PGM2L1: variants seen among roughly 807,000 people sequenced by gnomAD.
PGM2L1 encodes phosphoglucomutase 2 like 1, also known as glucose 1,6-bisphosphate synthase.
A neutral mutation model predicts 73.4 loss-of-function variants in PGM2L1; 35 were observed. The ratio of observed to expected loss-of-function variants is 0.48; its 90% CI spans 0.36 to 0.63. PGM2L1 has a LOEUF of 0.63. PGM2L1 is among the 30% of genes least tolerant of loss of function. The probability of loss-of-function intolerance (pLI) is 0.00; values close to 1 mark genes in which losing one functional copy is unlikely to be tolerated. For synonymous variants in PGM2L1, 225 were observed against 253.8 expected (o/e 0.89, Z 1.08); for missense variants, 570 against 742.0 (o/e 0.77, Z 2.69).
intron 5 of PGM2L1, among the ~76,000 whole-genome samples, chr11:74,364,254 T>C (rs868700812): frequency 6.6e-6 from 1 of 152,156 alleles, no homozygotes; most frequent in Non-Finnish European, 1.5e-5. Flanking sequence ...CCACAGCCAA[T>C]ATCATACTGA....
chr11:74,345,111 C>G (rs1396401179), intron 9 of PGM2L1, among the ~76,000 whole-genome samples: 1 of 152,092 alleles, frequency 6.6e-6, no homozygotes, highest in African/African-American at 2.4e-5. Flanking sequence ...CTTGAAGAGC[C>G]TGAACAAGGG....
chr11:74,379,221 G>A (rs1862902840), intron 1 of PGM2L1, among the ~76,000 whole-genome samples: 1 of 152,130 alleles, frequency 6.6e-6, no homozygotes, highest in Non-Finnish European at 1.5e-5. Flanking sequence ...CTATCACATG[G>A]TGAAGGAGGG....
chr11:74,386,574 C>A (rs955523066), intron 1 of PGM2L1, among the ~76,000 whole-genome samples: 1 of 151,938 alleles, frequency 6.6e-6, no homozygotes, highest in Non-Finnish European at 1.5e-5. Flanking sequence ...CTCCCAGGCT[C>A]AAGCAATCTT....
intron 5 of PGM2L1, among the ~76,000 whole-genome samples, chr11:74,365,237 T>C (rs1862636622): frequency 6.6e-6 from 1 of 152,136 alleles, no homozygotes; most frequent in Non-Finnish European, 1.5e-5. Flanking sequence ...AAGACTTAAA[T>C]GTTAGACCTA....
intron 3 of PGM2L1, 91 bp from the exon 4 acceptor site, chr11:74,371,077 T>G (rs1460425056): frequency 6.5e-6 from 6 of 922,550 alleles, no homozygotes; most frequent in Non-Finnish European, 1.0e-5. Flanking sequence ...ATAATTAGTC[T>G]GAATAAATAG....
chr11:74,349,678 T>C (rs955216438), intron 6 of PGM2L1, among the ~76,000 whole-genome samples: 12 of 152,150 alleles, frequency 7.9e-5, no homozygotes, highest in African/African-American at 2.9e-4. Flanking sequence ...AGTATTTTGG[T>C]ATTTTAGGTA....
chr11:74,360,540 G>A (rs1862544297), intron 5 of PGM2L1, among the ~76,000 whole-genome samples: 1 of 152,020 alleles, frequency 6.6e-6, no homozygotes, highest in Non-Finnish European at 1.5e-5. Context: ...CATCTCACTG[G>A]GGCTCGTTGG....
chr11:74,362,932 T>G (rs889260632), intron 5 of PGM2L1, among the ~76,000 whole-genome samples: 2 of 152,182 alleles, frequency 1.3e-5, no homozygotes, highest in South Asian at 4.1e-4. Flanking sequence ...CAACAGAATA[T>G]ACATTCTTCT....
intron 2 of PGM2L1, among the ~76,000 whole-genome samples, chr11:74,373,300 G>A (rs1372763163): frequency 6.6e-6 from 1 of 152,210 alleles, no homozygotes; most frequent in Non-Finnish European, 1.5e-5. Flanking sequence ...AGGAATAGGG[G>A]GAGGTGTGGG....
intron 1 of PGM2L1, among the ~76,000 whole-genome samples, chr11:74,396,434 A>G (rs1273973820): frequency 1.3e-5 from 2 of 151,104 alleles, no homozygotes; most frequent in African/African-American, 4.9e-5. Context: ...TCTTTTTTTG[A>G]GACGGAGTCT....
intron 5 of PGM2L1, among the ~76,000 whole-genome samples, chr11:74,359,921 A>G (rs1862528292): frequency 6.6e-6 from 1 of 152,182 alleles, no homozygotes; most frequent in African/African-American, 2.4e-5. Flanking sequence ...TGTGCCAAAT[A>G]TGTTCAACAG....
intron 1 of PGM2L1, among the ~76,000 whole-genome samples, chr11:74,382,038 G>A (rs1862955176): frequency 6.6e-6 from 1 of 151,492 alleles, no homozygotes; most frequent in Non-Finnish European, 1.5e-5. Flanking sequence ...TAGTAACCAA[G>A]GAAATGAAAA....
intron 5 of PGM2L1, among the ~76,000 whole-genome samples, chr11:74,362,171 G>A (rs189236766): frequency 2.4e-4 from 36 of 152,252 alleles, no homozygotes; most frequent in African/African-American, 8.7e-4. Flanking sequence ...ACTCACAAAG[G>A]GAAACCCATC....
At position 74,334,907 on chromosome 11, in the gene PGM2L1, C is replaced by CTTTTTT. The variant is rs34926765; in HGVS notation, c.*1739_*1744dup. ...AGCATTTCTTTTTCTCTCTCTCTCTCTTTTTTTTTTTTTTTTTGAGATAAG... is the reference window on the plus strand; with the variant it reads ...AGCATTTCTTTTTCTCTCTCTCTCTCTTTTTTTTTTTTTTTTTTTTTTTGAGATAAG... On this transcript the variant is annotated 3_prime_UTR_variant, in exon 14 of 14. Coordinates refer to ENST00000298198, the MANE Select transcript of PGM2L1 (RefSeq NM_173582.6). 7.3e-6 allele frequency: 1 copy of CTTTTTT among 136,236 alleles called. No homozygotes were observed. The allele number at this position is 136,236 out of a possible 1,614,324, so 8.4% of individuals were successfully genotyped here. A position where few individuals can be genotyped will look rare whatever the true frequency, so the allele number is the denominator to read the frequency against.
rs1213900815 is a variant in PGM2L1, at chr11:74,374,587, A to C, written c.112-5T>G. On this transcript the variant is annotated splice_polypyrimidine_tract_variant and splice_region_variant and intron_variant, in intron 1 of 13. Transcript: ENST00000298198. ...CTGCTCTTTTGTTTTGGGATTCTAT[A>C]AAAAAGAAGTATTAAAACTTAACCA... The C allele has an allele frequency of 1.2e-6, 2 of 1,612,128 alleles. No homozygotes were observed. Among genetic ancestry groups the C allele is most frequent in the South Asian group, 1.1e-5 (1 of 90,980 alleles).
At chr11:74,343,560 C>T (rs536731671) in intron 9 of PGM2L1, 144 bp from the exon 10 acceptor site, 2 of 1,253,746 alleles carry the variant, frequency 1.6e-6, no homozygotes, top group Admixed American at 3.4e-5. Flanking sequence ...CAGTAGCAGA[C>T]ATATAGTAAT....
intron 8 of PGM2L1, among the ~76,000 whole-genome samples, chr11:74,346,310 A>C (rs7129306): frequency 0.35 from 50,512 of 142,750 alleles, 10,534 homozygotes; most frequent in East Asian, 0.49. Flanking sequence ...AACAAACAAA[A>C]AAAAAGGTTA....
rs1861998639 is a variant in PGM2L1, at chr11:74,330,736, A to C, written c.*5916T>G. On this transcript the variant is annotated 3_prime_UTR_variant, in exon 14 of 14. Transcript: ENST00000298198. ...TGTGACTCACTTGGAAGGTAGTGCT[A>C]CTAGGCTCAAAATGACACTTAGACT... 6.6e-6 allele frequency: 1 copy of C among 152,612 alleles called. No homozygotes were observed. Among genetic ancestry groups the C allele is most frequent in the Non-Finnish European group, 1.5e-5 (1 of 68,026 alleles). 9.5% of individuals were successfully genotyped at this position (152,612 alleles called of 1,614,324 possible).
At chr11:74,358,418 A>G (rs941410955) in intron 5 of PGM2L1, among the ~76,000 whole-genome samples, 1 of 152,270 alleles carries the variant, frequency 6.6e-6, no homozygotes, top group East Asian at 1.9e-4. Flanking sequence ...TAAGACAGGT[A>G]CAGATTAAAA....
Sources: gnomAD v4.1 joint callset for allele counts (sites outside exome capture counted in the v4.1 genomes callset) on GRCh38, gnomAD v4.1.1 for gene constraint, MANE v1.5 for transcripts, NCBI Gene and HGNC (gene_info 2026-07-23, HGNC 2026-07-21) for gene names.